MYO16: variants seen among roughly 807,000 people sequenced by gnomAD.
MYO16 encodes the protein unconventional myosin-XVI.
In MYO16, 94 loss-of-function variants were observed where a neutral mutation model predicts 205.3. The ratio of observed to expected loss-of-function variants is 0.46; its 90% CI spans 0.39 to 0.54. The LOEUF (loss-of-function observed/expected upper bound fraction) is 0.54. Ranked by LOEUF, MYO16 falls within the 20% of genes least tolerant of loss-of-function variation. The pLI is 0.00. For missense variants in MYO16, 2,315 were observed against 2,387.5 expected, an observed-to-expected ratio of 0.97 and a Z score of 0.63; for synonymous variants, 988 against 954.0, an observed-to-expected ratio of 1.04 and a Z score of -0.66.
chr13:108,753,981 TAATA>T (rs1180333299), intron 4 of MYO16, among the ~76,000 whole-genome samples: 11 of 152,356 alleles, frequency 7.2e-5, no homozygotes, highest in African/African-American at 2.6e-4. Flanking sequence ...TGCATTTATA[TAATA>T]AATAAGTGAA....
intron 33 of MYO16, among the ~76,000 whole-genome samples, chr13:109,169,684 G>A (rs373334410): frequency 5.1e-4 from 77 of 151,996 alleles, no homozygotes; most frequent in Middle Eastern, 6.8e-3. Flanking sequence ...AAATAACACC[G>A]TAAATGTTAA....
chr13:108,990,183 C>T (rs1361904522), intron 20 of MYO16, among the ~76,000 whole-genome samples: 9 of 144,800 alleles, frequency 6.2e-5, no homozygotes, highest in East Asian at 2.0e-4. Flanking sequence ...CACACACACA[C>T]GACCAAAACA....
chr13:108,860,365 C>T (rs1438166546), intron 11 of MYO16, among the ~76,000 whole-genome samples: 1 of 152,092 alleles, frequency 6.6e-6, no homozygotes, highest in Non-Finnish European at 1.5e-5. Context: ...GCTGCATAGT[C>T]CTCTATGATG....
In MYO16 at chr13:109,016,204, CTT is replaced by C. The variant is rs374588449; in HGVS notation, c.2596-3506_2596-3505del. On this transcript the variant is annotated intron_variant, in intron 22 of 34. Coordinates refer to ENST00000457511, the MANE Select transcript of MYO16 (RefSeq NM_001198950.3). ...TTTCAAAGAACATCTTTATTTCTCC[CTT>C]CATTTCGTGATTTACCCAGTAGTCA... Among the ~76,000 whole-genome samples, 339 of 152,234 alleles carry C rather than the reference CTT, an allele frequency of 2.2e-3. 1 individual carries two copies. Among genetic ancestry groups the C allele is most frequent in the Middle Eastern group, 0.01 (3 of 294 alleles).
At chr13:108,748,120 C>G (rs192831802) in intron 4 of MYO16, among the ~76,000 whole-genome samples, 37 of 151,992 alleles carry the variant, frequency 2.4e-4, no homozygotes, top group African/African-American at 8.4e-4. Flanking sequence ...ATAAAACAGA[C>G]CTTAAAAATT....
chr13:108,733,312 C>A (rs895642191), intron 4 of MYO16, among the ~76,000 whole-genome samples: 2 of 152,314 alleles, frequency 1.3e-5, no homozygotes, highest in Non-Finnish European at 2.9e-5. Flanking sequence ...GCATTTTTCA[C>A]ATGCTTTACA....
intron 27 of MYO16, among the ~76,000 whole-genome samples, chr13:109,076,842 T>G (rs1888122741): frequency 6.6e-6 from 1 of 152,078 alleles, no homozygotes; most frequent in Admixed American, 6.6e-5. Flanking sequence ...GAGGAGAATC[T>G]AAAAGTAAGA....
At chr13:108,591,455 A>T (rs1345606032), upstream of MYO16, among the ~76,000 whole-genome samples, 2 of 148,640 alleles carry the variant, frequency 1.3e-5, no homozygotes, top group Non-Finnish European at 3.0e-5. Context: ...TAAAAAAAAA[A>T]AGTCAGGCTC....
At chr13:108,528,349 G>A in the MYO16 span, among the ~76,000 whole-genome samples, 9 of 152,140 alleles carry the variant, frequency 5.9e-5, no homozygotes, top group Non-Finnish European at 1.3e-4. Context: ...TTATCTGGCT[G>A]TGAGGATAGA....
At chr13:109,068,304 G>A (rs1483359436) in intron 27 of MYO16, among the ~76,000 whole-genome samples, 3 of 152,156 alleles carry the variant, frequency 2.0e-5, no homozygotes, top group Non-Finnish European at 4.4e-5. Flanking sequence ...GATTAAATTA[G>A]TCTACCACTT....
chr13:109,160,089 C>T (rs999418528), intron 32 of MYO16, among the ~76,000 whole-genome samples: 3 of 152,206 alleles, frequency 2.0e-5, no homozygotes, highest in African/African-American at 7.2e-5. Context: ...GGATGTTTTG[C>T]AGCATTTCTG....
At chr13:108,524,237 T>C in the MYO16 span, among the ~76,000 whole-genome samples, 2 of 151,838 alleles carry the variant, frequency 1.3e-5, no homozygotes, top group Non-Finnish European at 2.9e-5. Flanking sequence ...GAAGCAGAGG[T>C]TGCAGTGAGC....
intron 34 of MYO16, among the ~76,000 whole-genome samples, chr13:109,197,520 T>C (rs1880211195): frequency 6.6e-6 from 1 of 152,196 alleles, no homozygotes; most frequent in Non-Finnish European, 1.5e-5. Context: ...GCAAGTACAC[T>C]GGATACTTTG....
At chr13:108,925,906 C>A (rs893816035) in intron 16 of MYO16, among the ~76,000 whole-genome samples, 3 of 152,242 alleles carry the variant, frequency 2.0e-5, no homozygotes, top group African/African-American at 7.2e-5. Flanking sequence ...TTCCTGCCCC[C>A]ATTAAAGGCT....
chr13:108,843,221 C>A (rs1374056177), intron 9 of MYO16, among the ~76,000 whole-genome samples: 1 of 151,624 alleles, frequency 6.6e-6, no homozygotes, highest in African/African-American at 2.4e-5. Flanking sequence ...AAATGTATAT[C>A]TAATCACATT....
Position 108,642,753 on chromosome 13 carries a change from T to C in MYO16, c.28+12881T>C, listed in dbSNP as rs189511855. On this transcript the variant is annotated intron_variant, in intron 1 of 34. Coordinates refer to ENST00000457511, the MANE Select transcript of MYO16 (RefSeq NM_001198950.3). ...TCTTTTATCTGACCCCTCTGATTTA[T>C]AGTAAGTGACAGAGGCTGGCATCTG... Among the ~76,000 whole-genome samples the C allele has an allele frequency of 1.3e-3, 195 of 152,270 alleles. 1 individual carries two copies. Among genetic ancestry groups the C allele is most frequent in the African/African-American group, 4.4e-3 (181 of 41,562 alleles).
At chr13:108,818,196 C>T (rs1875743981) in intron 7 of MYO16, among the ~76,000 whole-genome samples, 1 of 151,614 alleles carries the variant, frequency 6.6e-6, no homozygotes, top group African/African-American at 2.4e-5. Context: ...CCATCCTGGC[C>T]AACATGACAA....
At chr13:108,932,205 C>T (rs1333437153) in intron 16 of MYO16, among the ~76,000 whole-genome samples, 1 of 151,960 alleles carries the variant, frequency 6.6e-6, no homozygotes, top group African/African-American at 2.4e-5. Context: ...TTGTTCTTTT[C>T]TCATATTTCT....
chr13:108,586,822 T>C, the MYO16 span, among the ~76,000 whole-genome samples: 1 of 152,222 alleles, frequency 6.6e-6, no homozygotes, highest in African/African-American at 2.4e-5. Context: ...GGAGTTACTT[T>C]CAATTTCTAT....
Sources: allele counts gnomAD v4.1 joint callset (sites outside exome capture counted in the v4.1 genomes callset), GRCh38; gene constraint gnomAD v4.1.1; transcripts MANE v1.5; gene names NCBI Gene and HGNC (gene_info 2026-07-23, HGNC 2026-07-21).